Variants in TRIM51G observed in about 807,000 individuals in gnomAD.
TRIM51G encodes tripartite motif-containing 51G, also known as tripartite motif-containing protein 51G.
the TRIM51G span, chr11:48,978,868 G>A: frequency 9.7e-5 from 123 of 1,262,338 alleles, no homozygotes; most frequent in South Asian, 6.3e-4. Flanking sequence ...TGGTCAGTCC[G>A]TACCTGGAAT....
the TRIM51G span, among the ~76,000 whole-genome samples, chr11:48,980,311 C>T: frequency 6.6e-6 from 1 of 152,032 alleles, no homozygotes; most frequent in African/African-American, 2.4e-5. Flanking sequence ...TTAGAGTTCT[C>T]CTTATATAAA....
At chr11:48,976,966 C>T in the TRIM51G span, 2 of 586,446 alleles carry the variant, frequency 3.4e-6, no homozygotes, top group South Asian at 3.3e-5. Context: ...GTTGTATCGT[C>T]ATATGGTTCA....
At chr11:48,979,275 T>C in the TRIM51G span, among the ~76,000 whole-genome samples, 6 of 152,202 alleles carry the variant, frequency 3.9e-5, no homozygotes, top group African/African-American at 1.4e-4. Flanking sequence ...TAGTTGTTTC[T>C]GCCCAGTTAT....
chr11:48,981,375 G>A, the TRIM51G span: 19 of 1,607,474 alleles, frequency 1.2e-5, no homozygotes, highest in Non-Finnish European at 1.7e-6. Flanking sequence ...GCAGGCTCTT[G>A]TCCACTTCAC....
the TRIM51G span, chr11:48,978,118 A>C: frequency 1.2e-5 from 6 of 517,804 alleles, no homozygotes; most frequent in African/African-American, 5.8e-5. Flanking sequence ...GAATCTGCTA[A>C]AATCTTGGTA....
chr11:48,975,658 T>C, the TRIM51G span: 2 of 1,435,508 alleles, frequency 1.4e-6, no homozygotes, highest in Non-Finnish European at 9.8e-7. Context: ...TGGAACATAT[T>C]GCATTACAAG....
At chr11:48,979,112 C>A in the TRIM51G span, 4 of 764,218 alleles carry the variant, frequency 5.2e-6, no homozygotes, top group Middle Eastern at 2.3e-4. Flanking sequence ...CCTGCAGTGA[C>A]AATTAGTCAA....
the TRIM51G span, among the ~76,000 whole-genome samples, chr11:48,980,427 T>C: frequency 6.6e-6 from 1 of 152,260 alleles, no homozygotes. Context: ...TCAATATTAA[T>C]TAGTTCTGAT....
the TRIM51G span, chr11:48,981,150 G>T: frequency 2.2e-6 from 3 of 1,362,430 alleles, no homozygotes; most frequent in Non-Finnish European, 3.0e-6. Context: ...AATCTGAGAG[G>T]TGTGAAGTCA....
At chr11:48,981,858 G>GA in the TRIM51G span, among the ~76,000 whole-genome samples, 2 of 152,122 alleles carry the variant, frequency 1.3e-5, no homozygotes, top group Non-Finnish European at 2.9e-5. Flanking sequence ...CATACACAAA[G>GA]AGAGTCTTAA....
the TRIM51G span, chr11:48,975,932 T>C: frequency 1.4e-6 from 1 of 740,618 alleles, no homozygotes; most frequent in Non-Finnish European, 2.5e-6. Flanking sequence ...CCAACCTTCA[T>C]GCTTCTCAAA....
At chr11:48,979,644 A>G in the TRIM51G span, among the ~76,000 whole-genome samples, 1 of 152,040 alleles carries the variant, frequency 6.6e-6, no homozygotes, top group Non-Finnish European at 1.5e-5. Context: ...ATTAAATATT[A>G]CTGCACATGC....
At chr11:48,978,926 T>G in the TRIM51G span, 1 of 1,587,234 alleles carries the variant, frequency 6.3e-7, no homozygotes, top group South Asian at 1.1e-5. Context: ...CCTCATACAT[T>G]CCTCTTAAAA....
chr11:48,977,993 T>A, the TRIM51G span: 1,407 of 398,558 alleles, frequency 3.5e-3, 22 homozygotes, highest in African/African-American at 0.029. Context: ...ACAAAATAGA[T>A]GACTACATGG....
At chr11:48,979,998 C>T in the TRIM51G span, among the ~76,000 whole-genome samples, 3 of 152,016 alleles carry the variant, frequency 2.0e-5, no homozygotes, top group South Asian at 4.1e-4. Context: ...AGTCCCTGGA[C>T]TCTGTGCTCC....
chr11:48,975,648 T>C, the TRIM51G span: 2 of 1,423,394 alleles, frequency 1.4e-6, no homozygotes, highest in South Asian at 2.3e-5. Flanking sequence ...CTGTAGGTCT[T>C]GGAACATATT....
At chr11:48,975,764 T>C in the TRIM51G span, 3 of 1,564,102 alleles carry the variant, frequency 1.9e-6, no homozygotes, top group Non-Finnish European at 2.6e-6. Context: ...TTCTGTCTCT[T>C]CTCTTTCCAA....
At chr11:48,981,741 G>T in the TRIM51G span, 5 of 1,559,146 alleles carry the variant, frequency 3.2e-6, no homozygotes, top group Non-Finnish European at 4.4e-6. Context: ...GTTCTGGGTT[G>T]GTGAAAATCT....
the TRIM51G span, chr11:48,981,316 CA>C: frequency 6.2e-7 from 1 of 1,606,478 alleles, no homozygotes; most frequent in Non-Finnish European, 8.5e-7. Flanking sequence ...CTCAGTGGGA[CA>C]GTGTCTGTGA....
Sources: allele counts gnomAD v4.1 joint callset (sites outside exome capture counted in the v4.1 genomes callset), GRCh38; gene constraint gnomAD v4.1.1; transcripts MANE v1.5; gene names NCBI Gene and HGNC (gene_info 2026-07-23, HGNC 2026-07-21).